The following PMS2 variants were observed in gnomAD, a reference collection of about 807,000 sequenced individuals.
PMS2 encodes the protein PMS1 homolog 2, mismatch repair system component.
PMS2 carries 69 observed loss-of-function variants against 90.0 expected under a neutral mutation model. The observed-to-expected ratio is 0.77, with a 90% CI of 0.63 to 0.94. PMS2 has a LOEUF of 0.94. Ranked by LOEUF, PMS2 falls within the 40% of genes least tolerant of loss-of-function variation. PMS2 has a pLI of 0.00. For missense variants in PMS2, 966 were observed against 1,040.2 expected (o/e 0.93, Z 0.98); for synonymous variants, 332 against 375.1 (o/e 0.89, Z 1.33).
rs1060503111 is a variant in PMS2, at chr7:5,997,416, C to G, written c.713G>C (p.Ser238Thr). ...GGGCAGCTGAACAAAAGGAATGAGG[C>G]TTTGCAACTGAAAAAAAAAAAAAAA... The part of the protein sequence containing the change: ...GSVFGQKQLQ[S>T]LIPFVQLPPS... Residue 238 changes from serine to threonine, a missense_variant, in exon 7 of 15, where the codon AGC (serine) becomes ACC (threonine). Physicochemically the swap from Ser to Thr is moderately conservative, Grantham distance 58. Coordinates refer to ENST00000265849, the MANE Select transcript of PMS2 (RefSeq NM_000535.7). The G allele has an allele frequency of 3.3e-6, 5 of 1,520,924 alleles. No homozygotes were observed. Among genetic ancestry groups the G allele is most frequent in the South Asian group, 1.2e-5 (1 of 86,704 alleles). 94.2% of individuals were successfully genotyped at this position (1,520,924 alleles called of 1,614,324 possible). A position where few individuals can be genotyped will look rare whatever the true frequency, so the allele number is the denominator to read the frequency against.
intron 12 of PMS2, among the ~76,000 whole-genome samples, chr7:5,981,181 G>C (rs1412101519): frequency 6.6e-6 from 1 of 151,770 alleles, no homozygotes; most frequent in Non-Finnish European, 1.5e-5. Flanking sequence ...CGAGGAGAGA[G>C]AAATACCAAA....
At position 5,972,635 on chromosome 7, in the gene PMS2, G is replaced by A. The variant is rs1306974483; in HGVS notation, c.*764C>T. Among the ~76,000 whole-genome samples the A allele has an allele frequency of 2.6e-5, 2 of 76,140 alleles. No homozygotes were observed. The highest frequency in any genetic ancestry group is 6.5e-5 in the African/African-American group (1 of 15,390). 50.0% of individuals were successfully genotyped at this position (76,140 alleles called of 152,430 possible). On this transcript the variant is annotated 3_prime_UTR_variant, in exon 15 of 15. Coordinates refer to ENST00000265849, the MANE Select transcript of PMS2 (RefSeq NM_000535.7). Reference sequence around the variant, plus strand: ...CCCATCCAGTCATTTTCTTCCAGCCGGGCAGAGAATCCCCCGTGTTTAAAA... The same window carrying A: ...CCCATCCAGTCATTTTCTTCCAGCCAGGCAGAGAATCCCCCGTGTTTAAAA...
intron 11 of PMS2, among the ~76,000 whole-genome samples, chr7:5,984,847 G>A (rs1782689345): frequency 6.6e-6 from 1 of 151,700 alleles, no homozygotes; most frequent in South Asian, 2.1e-4. Flanking sequence ...GGAAGACCCG[G>A]TCCCATGCCA....
intron 8 of PMS2, among the ~76,000 whole-genome samples, chr7:5,993,862 C>CAA (rs61677497): frequency 0.059 from 2,266 of 38,702 alleles, 312 homozygotes; most frequent in Non-Finnish European, 0.065. Flanking sequence ...GACTCTGTCT[C>CAA]AAAAAAAAAA....
Position 5,982,791 on chromosome 7 carries a change from G to A in PMS2, c.2174+33C>T, listed in dbSNP as rs765973996. On this transcript the variant is annotated intron_variant, in intron 12 of 14. Transcript: ENST00000265849. ...CCTCTATTAGATCTTCAATTTGAGG[G>A]GGAGTCTGGGAATGAACACTAAACA... is the stretch of plus-strand genomic sequence containing the variant. 4.3e-6 allele frequency: 7 copies of A among 1,609,994 alleles called. No individual in the cohort carries two copies. The South Asian group carries it at 4.4e-5, about 10-fold the overall frequency.
intron 7 of PMS2, among the ~76,000 whole-genome samples, chr7:5,996,590 A>AAGAAAT (rs56858711): frequency 3.6e-5 from 4 of 110,200 alleles, no homozygotes; most frequent in African/African-American, 1.5e-4. Context: ...AAAAAAAAAA[A>AAGAAAT]ATATATATAT....
At chr7:5,985,637 T>C (rs1332263948) in intron 11 of PMS2, among the ~76,000 whole-genome samples, 2 of 148,990 alleles carry the variant, frequency 1.3e-5, no homozygotes, top group Non-Finnish European at 3.0e-5. Context: ...CACCACAACC[T>C]CCACCTCCCG....
rs887187101 is a variant in PMS2, at chr7:6,004,074, T to C, written c.164-16A>G. Reference sequence around the variant, plus strand: ...AGCTTTAGATCTAGAAAGTTTAAAATATTTACATATTTATTAAAAACGGAC... The same window carrying C: ...AGCTTTAGATCTAGAAAGTTTAAAACATTTACATATTTATTAAAAACGGAC... On this transcript the variant is annotated splice_polypyrimidine_tract_variant and intron_variant, in intron 2 of 14. Coordinates refer to ENST00000265849, the MANE Select transcript of PMS2 (RefSeq NM_000535.7). 9.7e-6 allele frequency: 13 copies of C among 1,346,982 alleles called. No individual in the cohort carries two copies. In the African/African-American group the frequency reaches 1.4e-4, roughly 15 times the overall value. The allele number at this position is 1,346,982 out of a possible 1,614,324, so 83.4% of individuals were successfully genotyped here.
chr7:5,999,077 A>G (rs1472884836), intron 6 of PMS2, 31 bp downstream of exon 6: 4 of 1,600,928 alleles, frequency 2.5e-6, no homozygotes, highest in Non-Finnish European at 3.4e-6. Flanking sequence ...CTAGAGCAAT[A>G]AGAGGCGTTG....
At chr7:5,982,526 G>A (rs558596855) in intron 12 of PMS2, among the ~76,000 whole-genome samples, 37 of 151,438 alleles carry the variant, frequency 2.4e-4, no homozygotes, top group Admixed American at 5.9e-4. Context: ...TAGTAGAGGC[G>A]GGGTTTCACC....
chr7:5,999,276 C>G lies in PMS2; in HGVS notation c.538-1G>C, dbSNP rs988423880. ...AGACCTGGACCATTTTGGCATACTC[C>G]TGTTTAAAAAACACAAACACAATAT... On this transcript the variant is annotated splice_acceptor_variant, in intron 5 of 14. Coordinates refer to ENST00000265849, the MANE Select transcript of PMS2 (RefSeq NM_000535.7). LOFTEE classifies it high-confidence loss of function. The G allele has an allele frequency of 6.2e-7, 1 of 1,613,104 alleles. No homozygotes were observed. Among genetic ancestry groups the G allele is most frequent in the African/African-American group, 1.3e-5 (1 of 74,908 alleles).
Position 5,973,445 on chromosome 7 carries a change from G to A in PMS2, c.2543C>T (p.Pro848Leu), listed in dbSNP as rs786201850. ...CAGGTTGGCGATGTGTCTCATGGTT[G>A]GCCTTCCATGGGGACAGTTCCAGGG... ...DHPWNCPHGR[P>L]TMRHIANLGV... The change falls in exon 15 of 15, where the codon CCA becomes CTA. Residue 848 changes from proline (P) to leucine (L), a missense_variant. Physicochemically the swap from Pro to Leu is moderately conservative, Grantham distance 98 (BLOSUM62 -3). Coordinates refer to ENST00000265849, the MANE Select transcript of PMS2 (RefSeq NM_000535.7). 1.1e-6 allele frequency: 1 copy of A among 894,572 alleles called. No individual in the cohort carries two copies. Among genetic ancestry groups the A allele is most frequent in the Non-Finnish European group, 1.7e-6 (1 of 596,752 alleles). The allele number at this position is 894,572 out of a possible 1,614,324, so 55.4% of individuals were successfully genotyped here. A position where few individuals can be genotyped will look rare whatever the true frequency, so the allele number is the denominator to read the frequency against.
intron 14 of PMS2, among the ~76,000 whole-genome samples, chr7:5,976,050 C>T (rs1471240597): frequency 5.5e-5 from 8 of 144,838 alleles, no homozygotes; most frequent in African/African-American, 1.5e-4. Flanking sequence ...ACCAGCCTGA[C>T]CAACATGGTG....
At chr7:6,000,058 C>T (rs1160402929) in intron 5 of PMS2, among the ~76,000 whole-genome samples, 1 of 151,910 alleles carries the variant, frequency 6.6e-6, no homozygotes, top group Non-Finnish European at 1.5e-5. Context: ...CTAAAAAAGA[C>T]AATCACAATA....
intron 12 of PMS2, among the ~76,000 whole-genome samples, chr7:5,978,976 CTT>C (rs1316346925): frequency 6.7e-6 from 1 of 148,754 alleles, no homozygotes; most frequent in African/African-American, 2.5e-5. Flanking sequence ...AGGCAGATCT[CTT>C]GAGGCCAGGA....
rs587780056 is a variant in PMS2, at chr7:5,973,494, T to C, written c.2494A>G (p.Thr832Ala). Reference sequence around the variant, plus strand: ...GGGTGGTCCATCTCCCCCATGTGGGTGATCAGTTTCTTCATCTCGCTTGTG... The same window carrying C: ...GGGTGGTCCATCTCCCCCATGTGGGCGATCAGTTTCTTCATCTCGCTTGTG... Reference protein sequence around the residue: ...LNTSEMKKLITHMGEMDHPWN... With the variant: ...LNTSEMKKLIAHMGEMDHPWN... The change falls in exon 15 of 15, where the codon ACC becomes GCC. Residue 832 changes from threonine (T) to alanine (A), a missense_variant. By Grantham distance (58) the Thr-to-Ala change is moderately conservative. Coordinates refer to ENST00000265849, the MANE Select transcript of PMS2 (RefSeq NM_000535.7). 1 of 662,150 alleles carries C rather than the reference T, an allele frequency of 1.5e-6. No homozygotes were observed. The highest frequency in any genetic ancestry group is 2.5e-6 in the Non-Finnish European group (1 of 395,670). The allele number at this position is 662,150 out of a possible 1,614,324, so 41.0% of individuals were successfully genotyped here.
At chr7:6,003,642 A>G (rs1785353877) in intron 4 of PMS2, 48 bp downstream of exon 4, 1 of 934,548 alleles carries the variant, frequency 1.1e-6, no homozygotes, top group Non-Finnish European at 1.7e-6. Context: ...TAATTTTCAG[A>G]GAGGTTTCTC....
At position 5,999,096 on chromosome 7, in the gene PMS2, G is replaced by A. The variant is rs368486366; in HGVS notation, c.705+12C>T. The A allele has an allele frequency of 1.1e-5, 17 of 1,613,292 alleles. No homozygotes were observed. Among genetic ancestry groups the A allele is most frequent in the African/African-American group, 8.0e-5 (6 of 74,842 alleles). ...AGCAATAAGAGGCGTTGAAGTAACC[G>A]GCCATCACTACCTGCTTCTGCCCAA... On this transcript the variant is annotated intron_variant, in intron 6 of 14. Transcript: ENST00000265849.
In PMS2 at chr7:5,986,911, CA is replaced by C; in HGVS notation, c.1853del (p.Leu618ArgfsTer5). 1 of 1,614,046 alleles carries C rather than the reference CA, an allele frequency of 6.2e-7. No individual in the cohort carries two copies. The highest frequency in any genetic ancestry group is 1.3e-5 in the African/African-American group (1 of 75,024). On this transcript the variant is annotated frameshift_variant, in exon 11 of 15. Transcript: ENST00000265849. LOFTEE classifies it high-confidence loss of function. ...AVKINKKVVP[L>X]DFSMSSLAKR... ...TAGCTAAAGAACTCATAGAAAAGTC[CA>C]GGGGCACAACTTTCTTATTAATTTT...
Sources: allele counts gnomAD v4.1 joint callset (sites outside exome capture counted in the v4.1 genomes callset), GRCh38; gene constraint gnomAD v4.1.1; transcripts MANE v1.5; gene names NCBI Gene and HGNC (gene_info 2026-07-23, HGNC 2026-07-21).